The following ASB12 variants were observed in gnomAD, a reference collection of about 807,000 sequenced individuals.
ASB12 encodes ankyrin repeat and SOCS box containing 12.
A neutral mutation model predicts 13.7 loss-of-function variants in ASB12; 17 were observed. The observed-to-expected ratio is 1.24, with a 90% confidence interval of 0.85 to 1.86. ASB12 has a LOEUF of 1.86. Ranked by LOEUF, ASB12 falls within the 40% of genes most tolerant of loss-of-function variation. The pLI is 0.00. For missense variants in ASB12, 329 were observed against 250.5 expected (o/e 1.31, Z -2.11); for synonymous variants, 107 against 99.8 (o/e 1.07, Z -0.43).
intron 1 of ASB12, among the ~76,000 whole-genome samples, chrX:64,225,964 C>A (rs927928399): frequency 8.9e-6 from 1 of 112,614 alleles, no homozygotes; most frequent in African/African-American, 3.2e-5. Flanking sequence ...TCTGAAGGAT[C>A]ACAACTAAAC....
chrX:64,225,006 G>A lies in ASB12; in HGVS notation c.645C>T (p.Gly215=). 8.3e-7 allele frequency: 1 copy of A among 1,211,465 alleles called. No homozygotes were observed. Among genetic ancestry groups the A allele is most frequent in the Non-Finnish European group, 1.1e-6 (1 of 895,202 alleles). ...ADPDYNCTDQ[G]LLARVPRPRT... Reference sequence around the variant, plus strand: ...GGGGTCTTGGGACACGAGCCAATAGGCCCTGGTCAGTGCAGTTGTAGTCAG... The same window carrying A: ...GGGGTCTTGGGACACGAGCCAATAGACCCTGGTCAGTGCAGTTGTAGTCAG... Residue 215 remains glycine, a synonymous_variant, in exon 2 of 3, where the codon GGC becomes GGT. Transcript: ENST00000362002.
In ASB12 at chrX:64,225,681, G is replaced by C. The variant is rs1255957968; in HGVS notation, c.-24-7C>G. On this transcript the variant is annotated splice_region_variant and splice_polypyrimidine_tract_variant and intron_variant, in intron 1 of 2. Coordinates refer to ENST00000362002, the MANE Select transcript of ASB12 (RefSeq NM_130388.4). ...GCACAAGGAAATGCCAGATCTGTGG[G>C]TGACAAACAAGTGGGAGAGAATGAG... is the stretch of plus-strand genomic sequence containing the variant. The C allele has an allele frequency of 2.6e-6, 3 of 1,157,376 alleles. No homozygotes were observed. The highest frequency in any genetic ancestry group is 3.5e-6 in the Non-Finnish European group (3 of 869,330).
chrX:64,226,743 C>T, intron 1 of ASB12: 1 of 754,392 alleles, frequency 1.3e-6, no homozygotes, highest in African/African-American at 2.3e-5. Context: ...TCGCCCACCT[C>T]AGTTTGTAAT....
Position 64,224,421 on chromosome X carries a change from C to T in ASB12, c.871G>A (p.Ala291Thr), listed in dbSNP as rs776745282. ...TGTGGCTGGCCAGCCTGGCACAAGG[C>T]TCTGCGGACGACTAAACGGACCTGT... Reference protein sequence around the residue: ...LSQVRLVVRRALCQAGQPQAI... With the variant: ...LSQVRLVVRRTLCQAGQPQAI... The change falls in exon 3 of 3, where the codon GCC becomes ACC. Residue 291 changes from alanine to threonine, a missense_variant. Transcript: ENST00000362002. 1.7e-6 allele frequency: 2 copies of T among 1,210,271 alleles called. No individual in the cohort carries two copies. Among genetic ancestry groups the T allele is most frequent in the South Asian group, 1.8e-5 (1 of 56,876 alleles).
Position 64,225,619 on chromosome X carries a change from T to C in ASB12, c.32A>G (p.Asn11Ser), listed in dbSNP as rs1236041865. The C allele has an allele frequency of 1.6e-5, 19 of 1,194,841 alleles. No individual in the cohort carries two copies. The highest frequency in any genetic ancestry group is 2.1e-5 in the Non-Finnish European group (19 of 886,539). MRIVLQLAKM[N>S]LMDITKIFSL... Reference sequence around the variant, plus strand: ...GAAGATCTTGGTGATGTCCATGAGGTTCATCTTGGCTAATTGGAGAACTAT... The same window carrying C: ...GAAGATCTTGGTGATGTCCATGAGGCTCATCTTGGCTAATTGGAGAACTAT... Residue 11 changes from asparagine to serine, a missense_variant, in exon 2 of 3, where the codon AAC becomes AGC. Coordinates refer to ENST00000362002, the MANE Select transcript of ASB12 (RefSeq NM_130388.4).
intron 1 of ASB12, among the ~76,000 whole-genome samples, chrX:64,229,590 G>GT (rs1931016817): frequency 8.9e-6 from 1 of 111,982 alleles, no homozygotes; most frequent in Non-Finnish European, 1.9e-5. Context: ...TTTCAGAATG[G>GT]TTTTTGCTAC....
At chrX:64,226,802 C>G in intron 1 of ASB12, 1 of 707,466 alleles carries the variant, frequency 1.4e-6, no homozygotes, top group Non-Finnish European at 1.7e-6. Flanking sequence ...TTCCCCTACT[C>G]TCCCATACCC....
At chrX:64,225,741 T>G in intron 1 of ASB12, 67 bp from the exon 2 acceptor site, 7 of 1,056,250 alleles carry the variant, frequency 6.6e-6, no homozygotes, top group African/African-American at 1.9e-5. Flanking sequence ...GCACGCTCCT[T>G]GAAATCTCCC....
chrX:64,225,363 A>G lies in ASB12; in HGVS notation c.288T>C (p.Gly96=), dbSNP rs547960890. ...LSCLQVLLAH[G]ADVDSLDVKA... ...TGACATCCAAGCTGTCAACATCAGC[A>G]CCATGGGCTAAGAGGACTTGCAAAC... The change falls in exon 2 of 3, where the codon GGT becomes GGC. Residue 96 remains glycine (G), a synonymous_variant. Transcript: ENST00000362002. The G allele has an allele frequency of 3.3e-6, 4 of 1,206,836 alleles. No individual in the cohort carries two copies. The Middle Eastern group carries it at 6.9e-4, about 208-fold the overall frequency.
intron 1 of ASB12, among the ~76,000 whole-genome samples, 159 bp from the exon 2 acceptor site, chrX:64,225,833 A>G (rs1389511015): frequency 9.0e-6 from 1 of 111,539 alleles, no homozygotes; most frequent in Non-Finnish European, 1.9e-5. Flanking sequence ...GGCCCCAAAG[A>G]CACTGCCAAA....
intron 1 of ASB12, among the ~76,000 whole-genome samples, chrX:64,229,921 C>A (rs1489814308): frequency 9.0e-6 from 1 of 111,434 alleles, no homozygotes; most frequent in African/African-American, 3.3e-5. Context: ...GTCTATTCAT[C>A]CAAGTTTCTG....
In ASB12 at chrX:64,226,590, T is replaced by C. The variant is rs1930955676; in HGVS notation, c.-24-916A>G. 3 of 389,127 alleles carry C rather than the reference T, an allele frequency of 7.7e-6. No homozygotes were observed. In the African/African-American group the frequency reaches 8.4e-5, roughly 11 times the overall value. The allele number at this position is 389,127 out of a possible 1,213,427, so 32.1% of individuals were successfully genotyped here. On this transcript the variant is annotated intron_variant, in intron 1 of 2. Coordinates refer to ENST00000362002, the MANE Select transcript of ASB12 (RefSeq NM_130388.4). ...CCCCATTCCTCTGGCTTAAGCCTTT[T>C]TCCATCCTGTCTGACCCAGGCTAGA...
At chrX:64,228,361 T>C (rs775807016) in intron 1 of ASB12, among the ~76,000 whole-genome samples, 1 of 112,385 alleles carries the variant, frequency 8.9e-6, no homozygotes, top group Non-Finnish European at 1.9e-5. Context: ...TCACACTGTA[T>C]TGTAACTTCT....
At chrX:64,229,993 C>T (rs766199849) in intron 1 of ASB12, among the ~76,000 whole-genome samples, 67 of 111,574 alleles carry the variant, frequency 6.0e-4, no homozygotes, top group Non-Finnish European at 1.1e-3. Context: ...AGTACTCCCA[C>T]AGGAAAGTGG....
chrX:64,225,466 C>G lies in ASB12; in HGVS notation c.185G>C (p.Arg62Pro). 8.3e-7 allele frequency: 1 copy of G among 1,211,093 alleles called. No individual in the cohort carries two copies. Among genetic ancestry groups the G allele is most frequent in the Non-Finnish European group, 1.1e-6 (1 of 895,288 alleles). Residue 62 changes from arginine to proline, a missense_variant, in exon 2 of 3, where the codon CGT becomes CCT. Transcript: ENST00000362002. ...DQLLRQERYK[R>P]FINSRSGWGV... Reference sequence around the variant, plus strand: ...CCAGCCACTCCTGCTGTTGATGAAACGTTTGTAACGCTCCTGGCGCAAAAG... The same window carrying G: ...CCAGCCACTCCTGCTGTTGATGAAAGGTTTGTAACGCTCCTGGCGCAAAAG...
intron 1 of ASB12, among the ~76,000 whole-genome samples, chrX:64,228,032 C>A (rs1393103278): frequency 3.6e-5 from 4 of 112,427 alleles, no homozygotes; most frequent in Non-Finnish European, 7.5e-5. Context: ...AATATTTTCT[C>A]CACATTGTTG....
chrX:64,225,365 C>T lies in ASB12; in HGVS notation c.286G>A (p.Gly96Ser), dbSNP rs1930924786. 2 of 1,208,702 alleles carry T rather than the reference C, an allele frequency of 1.7e-6. No homozygotes were observed. Among genetic ancestry groups the T allele is most frequent in the South Asian group, 1.8e-5 (1 of 56,266 alleles). Residue 96 changes from glycine to serine, a missense_variant, in exon 2 of 3, where the codon GGT becomes AGT. By Grantham distance (56) the Gly-to-Ser change is moderately conservative (BLOSUM62 0). Transcript: ENST00000362002. Reference protein sequence around the residue: ...LSCLQVLLAHGADVDSLDVKA... With the variant: ...LSCLQVLLAHSADVDSLDVKA... ...ACATCCAAGCTGTCAACATCAGCACCATGGGCTAAGAGGACTTGCAAACAG... is the reference window on the plus strand; with the variant it reads ...ACATCCAAGCTGTCAACATCAGCACTATGGGCTAAGAGGACTTGCAAACAG...
In ASB12 at chrX:64,224,839, A is replaced by G; in HGVS notation, c.812T>C (p.Leu271Pro). 8.4e-7 allele frequency: 1 copy of G among 1,184,210 alleles called. No homozygotes were observed. ...TGTTCACCACTCACCTCGGGCCTGT[A>G]GCAGCAATGCAATGCCTTTATCATC... ...SQDDKGIALL[L>P]QARATPRSLL... The change falls in exon 2 of 3, where the codon CTA (leucine) becomes CCA (proline). Residue 271 changes from leucine to proline, a missense_variant. Physicochemically the swap from Leu to Pro is moderately conservative, Grantham distance 98 (BLOSUM62 -3). Coordinates refer to ENST00000362002, the MANE Select transcript of ASB12 (RefSeq NM_130388.4).
rs755611319 is a variant in ASB12 at position 64,224,443 on chromosome X, C to T, written c.849G>A (p.Gln283=). 2.5e-6 allele frequency: 3 copies of T among 1,208,613 alleles called. No homozygotes were observed. The highest frequency in any genetic ancestry group is 3.4e-6 in the Non-Finnish European group (3 of 894,496). Residue 283 remains glutamine, a synonymous_variant, in exon 3 of 3, where the codon CAG becomes CAA. Transcript: ENST00000362002. ...AGGCTCTGCGGACGACTAAACGGACCTGTGATAGAAGTGACCGTGGAGTGG... is the reference window on the plus strand; with the variant it reads ...AGGCTCTGCGGACGACTAAACGGACTTGTGATAGAAGTGACCGTGGAGTGG... ...ARATPRSLLS[Q]VRLVVRRALC...
Sources: allele counts gnomAD v4.1 joint callset (sites outside exome capture counted in the v4.1 genomes callset), GRCh38; gene constraint gnomAD v4.1.1; transcripts MANE v1.5; gene names NCBI Gene and HGNC (gene_info 2026-07-23, HGNC 2026-07-21).